OXR1: variants seen among roughly 807,000 people sequenced by gnomAD.
OXR1 encodes the protein oxidation resistance protein 1.
In OXR1, 41 loss-of-function variants were observed where a neutral mutation model predicts 104.6. The ratio of observed to expected loss-of-function variants is 0.39; its 90% CI spans 0.31 to 0.51. OXR1 has a LOEUF of 0.51. OXR1 is among the 20% of genes least tolerant of loss of function. OXR1 has a pLI of 0.77. For synonymous variants in OXR1, 348 were observed against 348.4 expected (o/e 1.00, Z 0.01); for missense variants, 955 against 1,031.9 (o/e 0.93, Z 1.02).
rs183865239 is a variant in OXR1, at chr8:106,418,258, C to A, written c.23+58622C>A. ...TTTTTTATTTTATTTTGTAAATGGGCTACTTAATATATATATAATATATGT... is the reference window on the plus strand; with the variant it reads ...TTTTTTATTTTATTTTGTAAATGGGATACTTAATATATATATAATATATGT... On this transcript the variant is annotated intron_variant, in intron 2 of 16. Transcript: ENST00000517566. Among the ~76,000 whole-genome samples, 15 of 151,904 alleles carry A rather than the reference C, an allele frequency of 9.9e-5. No individual in the cohort carries two copies. The East Asian group carries it at 2.9e-3, about 29-fold the overall frequency.
At chr8:106,667,601 A>G (rs1826477718) in intron 3 of OXR1, among the ~76,000 whole-genome samples, 1 of 152,188 alleles carries the variant, frequency 6.6e-6, no homozygotes, top group Non-Finnish European at 1.5e-5. Context: ...GAATAAATAA[A>G]CTACTGGAAT....
At chr8:106,320,415 G>C (rs894075984) in intron 1 of OXR1, among the ~76,000 whole-genome samples, 3 of 152,130 alleles carry the variant, frequency 2.0e-5, no homozygotes, top group African/African-American at 7.2e-5. Context: ...AAGGGGTGGA[G>C]GGGGAATCGT....
intron 2 of OXR1, among the ~76,000 whole-genome samples, chr8:106,454,184 AT>A (rs528519987): frequency 0.031 from 4,660 of 152,194 alleles, 236 homozygotes; most frequent in African/African-American, 0.11. Context: ...TCTCCATTTC[AT>A]CAGGAGTATT....
chr8:106,353,602 A>G (rs1275268533), intron 1 of OXR1, among the ~76,000 whole-genome samples: 1 of 151,756 alleles, frequency 6.6e-6, no homozygotes, highest in Non-Finnish European at 1.5e-5. Context: ...TTTTTTTCTT[A>G]TTTTTTAATT....
intron 2 of OXR1, among the ~76,000 whole-genome samples, chr8:106,491,954 G>A (rs1164196545): frequency 6.6e-6 from 1 of 152,034 alleles, no homozygotes; most frequent in Non-Finnish European, 1.5e-5. Flanking sequence ...ATGCTATCTG[G>A]CTATATTTTA....
chr8:106,553,068 A>G (rs1165016244), intron 3 of OXR1, among the ~76,000 whole-genome samples: 1 of 152,152 alleles, frequency 6.6e-6, no homozygotes, highest in African/African-American at 2.4e-5. Context: ...ATTTTTCTAA[A>G]CCAAAGAGAG....
At chr8:106,723,430 G>A (rs947367415) in intron 11 of OXR1, among the ~76,000 whole-genome samples, 2 of 149,800 alleles carry the variant, frequency 1.3e-5, no homozygotes, top group African/African-American at 2.5e-5. Flanking sequence ...CCCAGGAGGC[G>A]AACCTTGCAG....
intron 2 of OXR1, among the ~76,000 whole-genome samples, chr8:106,495,577 C>A (rs558081589): frequency 1.3e-5 from 2 of 152,208 alleles, no homozygotes; most frequent in South Asian, 4.2e-4. Context: ...TTTGTAAATT[C>A]CAAAATTTGC....
chr8:106,586,575 T>C (rs1172687632), intron 3 of OXR1, among the ~76,000 whole-genome samples: 1 of 152,164 alleles, frequency 6.6e-6, no homozygotes, highest in Non-Finnish European at 1.5e-5. Flanking sequence ...ACTAGAAATA[T>C]TGATTTAGGA....
intron 11 of OXR1, among the ~76,000 whole-genome samples, chr8:106,719,995 A>G (rs780621720): frequency 6.6e-5 from 10 of 151,982 alleles, no homozygotes; most frequent in Non-Finnish European, 1.2e-4. Context: ...TTTAGTAGAG[A>G]CGGAGTTTCA....
intron 13 of OXR1, 111 bp downstream of exon 13, chr8:106,739,694 C>A: frequency 1.0e-6 from 1 of 967,072 alleles, no homozygotes; most frequent in Non-Finnish European, 1.5e-6. Context: ...TATTACTATT[C>A]CACTCCAGTG....
intron 3 of OXR1, among the ~76,000 whole-genome samples, chr8:106,576,777 T>C (rs1446063555): frequency 3.9e-5 from 6 of 152,136 alleles, no homozygotes; most frequent in Non-Finnish European, 8.8e-5. Flanking sequence ...AAGTCAAACA[T>C]CATCACATAT....
intron 1 of OXR1, among the ~76,000 whole-genome samples, chr8:106,289,961 A>G (rs931309398): frequency 3.3e-5 from 5 of 152,144 alleles, no homozygotes; most frequent in African/African-American, 1.2e-4. Flanking sequence ...GTGAAGAAGG[A>G]CATGTTTGCT....
At chr8:106,602,988 G>T (rs1820087456) in intron 3 of OXR1, among the ~76,000 whole-genome samples, 1 of 151,924 alleles carries the variant, frequency 6.6e-6, no homozygotes, top group Admixed American at 6.6e-5. Flanking sequence ...CCTCATAATG[G>T]TATATAAGAA....
chr8:106,598,303 T>C (rs922239576), intron 3 of OXR1, among the ~76,000 whole-genome samples: 1 of 152,204 alleles, frequency 6.6e-6, no homozygotes, highest in African/African-American at 2.4e-5. Context: ...GTTTAATGTC[T>C]TATAAGGTAT....
At chr8:106,508,353 AT>A (rs1202975586) in intron 2 of OXR1, among the ~76,000 whole-genome samples, 1 of 152,032 alleles carries the variant, frequency 6.6e-6, no homozygotes, top group African/African-American at 2.4e-5. Context: ...ACATTTTATA[AT>A]TTTTTTTCTG....
intron 1 of OXR1, among the ~76,000 whole-genome samples, chr8:106,288,203 G>C (rs1327254009): frequency 6.6e-6 from 1 of 152,120 alleles, no homozygotes; most frequent in African/African-American, 2.4e-5. Context: ...AGGTGTGGGA[G>C]CCTCCTTAAA....
At chr8:106,480,768 C>T (rs923059327) in intron 2 of OXR1, among the ~76,000 whole-genome samples, 3 of 151,978 alleles carry the variant, frequency 2.0e-5, no homozygotes, top group South Asian at 2.1e-4. Context: ...GCCTTAAATT[C>T]CTCATAGAAA....
chr8:106,420,458 A>G (rs1818859510), intron 2 of OXR1, among the ~76,000 whole-genome samples: 1 of 151,930 alleles, frequency 6.6e-6, no homozygotes. Flanking sequence ...CATTAAGTAA[A>G]TAAGTGATGT....
Sources: gnomAD v4.1 joint callset for allele counts (sites outside exome capture counted in the v4.1 genomes callset) on GRCh38, gnomAD v4.1.1 for gene constraint, MANE v1.5 for transcripts, NCBI Gene and HGNC (gene_info 2026-07-23, HGNC 2026-07-21) for gene names.